Variants in DNAH11 observed in about 807,000 individuals in gnomAD.
DNAH11 encodes the protein dynein axonemal heavy chain 11.
Under a neutral mutation model 526.0 loss-of-function variants are expected in DNAH11, and 442 were observed. The ratio of observed to expected loss-of-function variants is 0.84; its 90% CI spans 0.78 to 0.91. The LOEUF (loss-of-function observed/expected upper bound fraction) is 0.91. Among genes scored for constraint, DNAH11 ranks in the 40% least tolerant of loss-of-function variants. DNAH11 has a pLI of 0.00. For missense variants in DNAH11, 6,989 were observed against 5,448.7 expected (o/e 1.28, Z -8.90); for synonymous variants, 2,461 against 1,935.9 (o/e 1.27, Z -7.12).
At chr7:21,718,075 C>T (rs1784733184) in intron 43 of DNAH11, 150 bp downstream of exon 43, 6 of 1,031,978 alleles carry the variant, frequency 5.8e-6, no homozygotes, top group African/African-American at 1.6e-5. Flanking sequence ...CGCCCCCGTC[C>T]CCCATGTTCC....
intron 68 of DNAH11, among the ~76,000 whole-genome samples, chr7:21,856,947 C>T (rs1053741361): frequency 1.3e-5 from 2 of 152,160 alleles, no homozygotes; most frequent in Admixed American, 6.6e-5. Context: ...TCTCTCAGCA[C>T]ATCTATTCAG....
chr7:21,690,245 A>G (rs912800848), intron 34 of DNAH11, among the ~76,000 whole-genome samples: 5 of 152,218 alleles, frequency 3.3e-5, no homozygotes, highest in African/African-American at 1.2e-4. Context: ...GAATACTCAC[A>G]GTCTGGCTCC....
At chr7:21,737,779 G>T (rs981476687) in intron 46 of DNAH11, among the ~76,000 whole-genome samples, 3 of 152,186 alleles carry the variant, frequency 2.0e-5, no homozygotes, top group Admixed American at 6.5e-5. Flanking sequence ...CAAAAGGAAA[G>T]AGGTGAATTG....
intron 5 of DNAH11, among the ~76,000 whole-genome samples, 160 bp from the exon 6 acceptor site, chr7:21,564,026 G>A (rs948628517): frequency 4.6e-5 from 7 of 151,868 alleles, no homozygotes; most frequent in African/African-American, 1.5e-4. Flanking sequence ...CTTCCAAATT[G>A]CTCGTGTGTA....
intron 66 of DNAH11, 133 bp downstream of exon 66, chr7:21,842,881 A>G (rs1782270451): frequency 1.3e-6 from 1 of 778,448 alleles, no homozygotes; most frequent in Non-Finnish European, 2.0e-6. Flanking sequence ...AAATAAGTAT[A>G]CATGTTAAAA....
intron 56 of DNAH11, among the ~76,000 whole-genome samples, chr7:21,778,471 A>C (rs963238142): frequency 6.6e-6 from 1 of 152,210 alleles, no homozygotes; most frequent in Non-Finnish European, 1.5e-5. Context: ...ATCAGTGGGC[A>C]TTTTAATATG....
chr7:21,613,087 G>C (rs1785597815), intron 20 of DNAH11, among the ~76,000 whole-genome samples: 1 of 151,984 alleles, frequency 6.6e-6, no homozygotes, highest in East Asian at 1.9e-4. Flanking sequence ...CATAGGAAAA[G>C]ACAAAATGAC....
At chr7:21,708,065 A>C (rs906417347) in intron 40 of DNAH11, among the ~76,000 whole-genome samples, 7 of 152,194 alleles carry the variant, frequency 4.6e-5, no homozygotes, top group African/African-American at 1.4e-4. Context: ...ATTTTATCCC[A>C]CGTCAATTAT....
intron 8 of DNAH11, among the ~76,000 whole-genome samples, chr7:21,580,575 G>T (rs1052151700): frequency 6.6e-6 from 1 of 152,306 alleles, no homozygotes; most frequent in South Asian, 2.1e-4. Flanking sequence ...AGGCTGAGAA[G>T]TCCAAGAGCA....
intron 65 of DNAH11, among the ~76,000 whole-genome samples, chr7:21,824,600 G>A (rs1465575418): frequency 6.6e-6 from 1 of 152,104 alleles, no homozygotes; most frequent in Non-Finnish European, 1.5e-5. Context: ...ATAAGCACAT[G>A]AAAATATGCT....
At chr7:21,580,362 C>G (rs1404688567) in intron 8 of DNAH11, among the ~76,000 whole-genome samples, 8 of 152,166 alleles carry the variant, frequency 5.3e-5, no homozygotes, top group African/African-American at 1.4e-4. Flanking sequence ...TTGCTTGGCT[C>G]TAATTCAGAA....
intron 64 of DNAH11, 53 bp from the exon 65 acceptor site, chr7:21,818,164 A>G: frequency 6.4e-7 from 1 of 1,568,392 alleles, no homozygotes; most frequent in Non-Finnish European, 8.6e-7. Flanking sequence ...AAAAATTTTG[A>G]ACATTTTGTG....
intron 12 of DNAH11, 110 bp from the exon 13 acceptor site, chr7:21,590,808 G>T: frequency 1.5e-6 from 1 of 674,756 alleles, no homozygotes; most frequent in Non-Finnish European, 2.2e-6. Flanking sequence ...CCTTGATTTG[G>T]AAATATAGTA....
intron 73 of DNAH11, among the ~76,000 whole-genome samples, chr7:21,872,938 C>A (rs1200309449): frequency 6.6e-6 from 1 of 152,070 alleles, no homozygotes; most frequent in Non-Finnish European, 1.5e-5. Flanking sequence ...TGTATTTGAA[C>A]CATAACAAAG....
intron 5 of DNAH11, 52 bp from the exon 6 acceptor site, chr7:21,564,134 A>G: frequency 7.6e-7 from 1 of 1,313,922 alleles, no homozygotes; most frequent in Non-Finnish European, 1.0e-6. Flanking sequence ...TGAATTTAGA[A>G]AAAAAAAAAA....
At chr7:21,792,402 G>C (rs529083747) in intron 61 of DNAH11, among the ~76,000 whole-genome samples, 4 of 152,282 alleles carry the variant, frequency 2.6e-5, no homozygotes, top group African/African-American at 9.6e-5. Context: ...TTTTGTGTCA[G>C]GTAATGCAGG....
At chr7:21,846,537 C>G (rs1001534121) in intron 66 of DNAH11, among the ~76,000 whole-genome samples, 1 of 152,110 alleles carries the variant, frequency 6.6e-6, no homozygotes, top group Admixed American at 6.5e-5. Context: ...TTGAACCAGA[C>G]TTGCATACCT....
intron 25 of DNAH11, among the ~76,000 whole-genome samples, chr7:21,635,150 G>T (rs926950830): frequency 3.2e-5 from 3 of 94,500 alleles, no homozygotes; most frequent in African/African-American, 1.9e-4. Flanking sequence ...CAGTTTGTTT[G>T]TTTGTTTGTT....
At chr7:21,751,720 C>T (rs1786420327) in intron 54 of DNAH11, among the ~76,000 whole-genome samples, 1 of 152,194 alleles carries the variant, frequency 6.6e-6, no homozygotes, top group Non-Finnish European at 1.5e-5. Flanking sequence ...GTTTCTCCAA[C>T]ATTCTGCTAT....
Sources: gnomAD v4.1 joint callset for allele counts (sites outside exome capture counted in the v4.1 genomes callset) on GRCh38, gnomAD v4.1.1 for gene constraint, MANE v1.5 for transcripts, NCBI Gene and HGNC (gene_info 2026-07-23, HGNC 2026-07-21) for gene names.